Variants in ATXN2 observed in about 807,000 individuals in gnomAD.
ATXN2 encodes the protein ataxin-2.
In ATXN2, 37 loss-of-function variants were observed where a neutral mutation model predicts 138.6. The ratio of observed to expected loss-of-function variants is 0.27; its 90% confidence interval spans 0.21 to 0.35. The LOEUF is 0.35. Among genes scored for constraint, ATXN2 ranks in the 10% least tolerant of loss-of-function variants. The pLI is 1.00. For synonymous variants in ATXN2, 549 were observed against 543.7 expected, an observed-to-expected ratio of 1.01 and a Z score of -0.13; for missense variants, 1,216 against 1,480.3, an observed-to-expected ratio of 0.82 and a Z score of 2.93.
chr12:111,452,974 C>A, intron 24 of ATXN2, 134 bp from the exon 25 acceptor site: 1 of 1,306,246 alleles, frequency 7.7e-7, no homozygotes, highest in African/African-American at 1.5e-5. Flanking sequence ...CGCTTTTCCC[C>A]CTCCCATCTG....
At chr12:111,559,138 T>TA in intron 1 of ATXN2, among the ~76,000 whole-genome samples, 1 of 149,532 alleles carries the variant, frequency 6.7e-6, no homozygotes, top group East Asian at 2.0e-4. Flanking sequence ...AGTTTTTTGT[T>TA]TTTTTTTTTT....
At chr12:111,599,337 G>A (rs924331402), upstream of ATXN2, 47 of 1,142,164 alleles carry the variant, frequency 4.1e-5, no homozygotes, top group African/African-American at 6.5e-4. Flanking sequence ...GGGGGGCCGG[G>A]GCCGGGCGGG....
chr12:111,496,821 A>G (rs2135712748), intron 14 of ATXN2, among the ~76,000 whole-genome samples: 1 of 152,220 alleles, frequency 6.6e-6, no homozygotes, highest in South Asian at 2.1e-4. Context: ...ATCCTAAAGA[A>G]CTAGAAAAGC....
At position 111,488,690 on chromosome 12, in the gene ATXN2, T is replaced by G. The variant is rs1304709019; in HGVS notation, c.2026A>C (p.Ile676Leu). 6.2e-7 allele frequency: 1 copy of G among 1,613,218 alleles called. No homozygotes were observed. The highest frequency in any genetic ancestry group is 1.1e-5 in the South Asian group (1 of 90,970). ...EKSRDLIKDKIEPSAKDSFIE... is the reference protein window; with the variant it reads ...EKSRDLIKDKLEPSAKDSFIE... ...AAAGAATCCTTAGCACTTGGTTCAA[T>G]TTTGTCTTTGATCAAATCTCTTGAT... The change falls in exon 15 of 25, where the codon ATT becomes CTT. Residue 676 changes from isoleucine (I) to leucine (L), a missense_variant. Ile to Leu is a conservative substitution (Grantham distance 5, BLOSUM62 2). Around this residue, in one of 4 missense-constraint regions of ATXN2, gnomAD observed 490 missense variants for 653.5 expected, o/e 0.75. Transcript: ENST00000673436.
chr12:111,477,180 T>TAAAAA (rs57940846), intron 18 of ATXN2, among the ~76,000 whole-genome samples: 2 of 121,674 alleles, frequency 1.6e-5, no homozygotes, highest in African/African-American at 3.0e-5. Context: ...CTGTCTCTAC[T>TAAAAA]AAAAAAAAAA....
intron 1 of ATXN2, chr12:111,581,857 C>T: frequency 6.8e-6 from 2 of 295,020 alleles, no homozygotes; most frequent in Non-Finnish European, 6.5e-6. Flanking sequence ...CCATTCCTCG[C>T]CCTGCCCCCA....
chr12:111,553,604 A>AAAAAAATTTTTTTTT (rs1882237738), intron 3 of ATXN2, among the ~76,000 whole-genome samples: 21 of 85,000 alleles, frequency 2.5e-4, no homozygotes, highest in Admixed American at 8.7e-4. Flanking sequence ...AAAAAAAAAA[A>AAAAAAATTTTTTTTT]TTTTTTTTTT....
At chr12:111,521,012 T>C in intron 6 of ATXN2, 39 bp from the exon 7 acceptor site, 2 of 1,316,038 alleles carry the variant, frequency 1.5e-6, no homozygotes, top group East Asian at 2.3e-5. Flanking sequence ...AATGTCAAAG[T>C]AGTTGTTCCC....
In ATXN2 at chr12:111,554,193, T is replaced by C; in HGVS notation, c.313A>G (p.Asn105Asp). 6.8e-7 allele frequency: 1 copy of C among 1,476,130 alleles called. No individual in the cohort carries two copies. The highest frequency in any genetic ancestry group is 9.0e-7 in the Non-Finnish European group (1 of 1,105,202). 91.4% of individuals were successfully genotyped at this position (1,476,130 alleles called of 1,614,324 possible). ...GTAAGTATATGAACCATCCTCATAT[T>C]TGCATAGATTCCATCAAAAGAAATC... ...STISFDGIYA[N>D]MRMVHILTSV... Residue 105 changes from asparagine to aspartate, a missense_variant, in exon 3 of 25, where the codon AAT becomes GAT. By Grantham distance (23) the Asn-to-Asp change is conservative. Around this residue, in one of 4 missense-constraint regions of ATXN2, gnomAD observed 401 missense variants for 528.1 expected, o/e 0.76. Transcript: ENST00000673436.
Position 111,513,387 on chromosome 12 carries a change from C to T in ATXN2, c.1528G>A (p.Gly510Arg). The change falls in exon 11 of 25, where the codon GGG (glycine) becomes AGG (arginine). Residue 510 changes from glycine (G) to arginine (R), a missense_variant. Gly to Arg is a moderately radical substitution (Grantham distance 125, BLOSUM62 -2). This residue lies in a region of ATXN2 where 215 missense variants were observed against 210.0 expected (regional missense o/e 1.02). Transcript: ENST00000673436. ...TPPVARTSPSGGTWSSVVSGV... is the reference protein window; with the variant it reads ...TPPVARTSPSRGTWSSVVSGV... ...CTGACCACTGATGACCACGTTCCCCCCGAGGGACTGGTCCTTGCTACTGGA... is the reference window on the plus strand; with the variant it reads ...CTGACCACTGATGACCACGTTCCCCTCGAGGGACTGGTCCTTGCTACTGGA... 1 of 1,613,794 alleles carries T rather than the reference C, an allele frequency of 6.2e-7. No homozygotes were observed. Among genetic ancestry groups the T allele is most frequent in the South Asian group, 1.1e-5 (1 of 91,046 alleles).
At chr12:111,481,381 G>A (rs577268088) in intron 18 of ATXN2, among the ~76,000 whole-genome samples, 2 of 152,288 alleles carry the variant, frequency 1.3e-5, no homozygotes, top group African/African-American at 4.8e-5. Context: ...GGAAGCGAAG[G>A]CTGCAGTGAG....
chr12:111,576,389 T>C (rs1883649500), intron 1 of ATXN2, among the ~76,000 whole-genome samples: 1 of 151,774 alleles, frequency 6.6e-6, no homozygotes, highest in Non-Finnish European at 1.5e-5. Context: ...GAGCTAAGAT[T>C]GCGCCACTGC....
At position 111,516,361 on chromosome 12, in the gene ATXN2, C is replaced by T. The variant is rs1879856360; in HGVS notation, c.1168G>A (p.Val390Ile). The T allele has an allele frequency of 6.4e-7, 1 of 1,571,228 alleles. No individual in the cohort carries two copies. The highest frequency in any genetic ancestry group is 8.6e-7 in the Non-Finnish European group (1 of 1,160,132). ...GATGGGCAAGGCGATGGCCAGGGAA[C>T]ACCTGACAGAACAAATGATATGAAG... ...GSDQRVVNGG[V>I]PWPSPCPSPS... Residue 390 changes from valine (V) to isoleucine (I), a missense_variant and splice_region_variant, in exon 10 of 25, where the codon GTT becomes ATT. Physicochemically the swap from Val to Ile is conservative, Grantham distance 29 (BLOSUM62 3). This residue lies in a region of ATXN2 where 401 missense variants were observed against 528.1 expected (regional missense o/e 0.76). Transcript: ENST00000673436. This position sits in a 1 kb window ranked among gnomAD's most constrained non-coding sequence, Gnocchi z 5.0.
At chr12:111,511,037 T>A (rs537739595) in intron 11 of ATXN2, 1 of 153,860 alleles carries the variant, frequency 6.5e-6, no homozygotes, top group African/African-American at 2.4e-5. Flanking sequence ...CCCTACACAT[T>A]CTTTATAGCA....
chr12:111,532,284 A>G (rs1037781254), intron 5 of ATXN2, among the ~76,000 whole-genome samples: 1 of 152,146 alleles, frequency 6.6e-6, no homozygotes, highest in Non-Finnish European at 1.5e-5. Flanking sequence ...GTTGGTGACC[A>G]GCCTGGCCAA....
intron 1 of ATXN2, among the ~76,000 whole-genome samples, chr12:111,590,264 G>GT (rs1276681254): frequency 2.6e-5 from 4 of 151,970 alleles, no homozygotes; most frequent in South Asian, 2.1e-4. Flanking sequence ...TTCACACCAC[G>GT]TAAGTACAGA....
In ATXN2 at chr12:111,510,382, T is replaced by C; in HGVS notation, c.1756+3A>G. 1.2e-6 allele frequency: 2 copies of C among 1,613,386 alleles called. No individual in the cohort carries two copies. The highest frequency in any genetic ancestry group is 1.1e-5 in the South Asian group (1 of 91,018). ...ATGGATCCAGAAGCCCTTTGTTACA[T>C]ACCCTCACTAGAAGGGGTAACAGCT... On this transcript the variant is annotated splice_donor_region_variant and intron_variant, in intron 12 of 24. Transcript: ENST00000673436.
At position 111,452,812 on chromosome 12, in the gene ATXN2, T is replaced by C. The variant is rs779594470; in HGVS notation, c.3468A>G (p.Ter1156=). The C allele has an allele frequency of 6.2e-7, 1 of 1,614,036 alleles. No individual in the cohort carries two copies. ...SVQAHHQQQL[*] ...GCCTTTCGGTTCCTCCAGGGCAGCC[T>C]TACAACTGCTGTTGGTGGTGGGCTT... Residue 1156 remains the stop codon, a stop_retained_variant, in exon 25 of 25, where the codon TAA becomes TAG. Coordinates refer to ENST00000673436, the MANE Select transcript of ATXN2 (RefSeq NM_001372574.1).
intron 5 of ATXN2, among the ~76,000 whole-genome samples, chr12:111,550,617 A>G (rs1882069958): frequency 6.6e-6 from 1 of 152,268 alleles, no homozygotes. Context: ...AACAAAATCA[A>G]CTCCAAAGGT....
Sources: gnomAD v4.1 joint callset for allele counts (sites outside exome capture counted in the v4.1 genomes callset) on GRCh38, gnomAD v4.1.1 for gene constraint, gnomAD v4.1.1 regional missense constraint, Gnocchi (gnomAD v3.1) non-coding constraint, MANE v1.5 for transcripts, NCBI Gene and HGNC (gene_info 2026-07-23, HGNC 2026-07-21) for gene names.